The following RAD21 variants were observed in gnomAD, a reference collection of about 807,000 sequenced individuals.
RAD21 encodes RAD21 cohesin complex component.
Under a neutral mutation model 71.5 loss-of-function variants are expected in RAD21, and 18 were observed. The observed-to-expected ratio is 0.25, with a 90% confidence interval of 0.17 to 0.37. RAD21 has a LOEUF of 0.37. RAD21 is among the 10% of genes least tolerant of loss of function. The probability of loss-of-function intolerance (pLI) is 1.00; values close to 1 mark genes in which losing one functional copy is unlikely to be tolerated. For missense variants in RAD21, 493 were observed against 769.1 expected (o/e 0.64, Z 4.25); for synonymous variants, 248 against 254.0 (o/e 0.98, Z 0.22).
intron 2 of RAD21, among the ~76,000 whole-genome samples, chr8:116,865,375 C>G (rs1362389822): frequency 6.6e-6 from 1 of 152,098 alleles, no homozygotes; most frequent in Non-Finnish European, 1.5e-5. Context: ...CACACATATA[C>G]TTTCCAGAAA....
chr8:116,871,095 G>A lies in RAD21; in HGVS notation c.-33+3516C>T, dbSNP rs189932416. 2.2e-3 allele frequency among the ~76,000 whole-genome samples: 331 copies of A among 152,338 alleles called. 1 individual carries two copies. The highest frequency in any genetic ancestry group is 7.3e-3 in the Admixed American group (111 of 15,308). On this transcript the variant is annotated intron_variant, in intron 1 of 13. Transcript: ENST00000297338. ...CTAATAACTAAAGGAAGCCAAAGGA[G>A]CAGTGGTGGATCGACTCCTGGTGTA...
chr8:116,870,349 AG>A (rs1812793098), intron 1 of RAD21, among the ~76,000 whole-genome samples: 1 of 152,198 alleles, frequency 6.6e-6, no homozygotes, highest in African/African-American at 2.4e-5. Context: ...CAATATAGCA[AG>A]ACCCCGTGTT....
Position 116,846,336 on chromosome 8 carries a change from T to C in RAD21, c.*1164A>G. On this transcript the variant is annotated 3_prime_UTR_variant, in exon 14 of 14. Transcript: ENST00000297338. ...AGTTTCAACACTTAAGCTAGAACTT[T>C]CAGTGTTAACTTTGCCCTAAAAAGT... 4.4e-6 allele frequency: 1 copy of C among 228,670 alleles called. No individual in the cohort carries two copies. The highest frequency in any genetic ancestry group is 6.2e-5 in the East Asian group (1 of 16,032). 14.2% of individuals were successfully genotyped at this position (228,670 alleles called of 1,614,324 possible).
chr8:116,847,496 C>CT lies in RAD21; in HGVS notation c.*3dup. On this transcript the variant is annotated 3_prime_UTR_variant, in exon 14 of 14. Transcript: ENST00000297338. Reference sequence around the variant, plus strand: ...CAAACACTAGCTATAATGCTTCTAGCTCCTTATATAATATGGAACCTTGGT... The same window carrying CT: ...CAAACACTAGCTATAATGCTTCTAGCTTCCTTATATAATATGGAACCTTGGT... The CT allele has an allele frequency of 1.2e-6, 2 of 1,600,678 alleles. No homozygotes were observed. Among genetic ancestry groups the CT allele is most frequent in the Non-Finnish European group, 1.7e-6 (2 of 1,173,502 alleles).
intron 10 of RAD21, 53 bp from the exon 11 acceptor site, chr8:116,852,149 T>C: frequency 6.9e-7 from 1 of 1,446,550 alleles, no homozygotes. Flanking sequence ...TTGAACAGTA[T>C]TATAGAACCA....
chr8:116,853,167 G>A (rs185269246), intron 9 of RAD21, among the ~76,000 whole-genome samples: 12 of 151,924 alleles, frequency 7.9e-5, no homozygotes, highest in Admixed American at 1.3e-4. Flanking sequence ...CAACCTCCGC[G>A]CCCCCGGTTC....
At chr8:116,869,268 G>GA (rs557252076) in intron 1 of RAD21, among the ~76,000 whole-genome samples, 14 of 150,960 alleles carry the variant, frequency 9.3e-5, no homozygotes, top group South Asian at 2.1e-4. Flanking sequence ...GGGGTAAGAA[G>GA]AAAAAAAAAC....
At chr8:116,854,699 G>C (rs1196878574) in intron 8 of RAD21, among the ~76,000 whole-genome samples, 1 of 152,076 alleles carries the variant, frequency 6.6e-6, no homozygotes, top group African/African-American at 2.4e-5. Flanking sequence ...AGTATGTATA[G>C]ACTTTTAGCA....
chr8:116,846,150 G>A lies in RAD21; in HGVS notation c.*1350C>T, dbSNP rs4570. ...GGTTTACAGGCACATCATATTGAAT[G>A]TAAAGCTGCAATAGCAATTTTATAC... On this transcript the variant is annotated 3_prime_UTR_variant, in exon 14 of 14. Transcript: ENST00000297338. 158,913 of 230,648 alleles carry A rather than the reference G, an allele frequency of 0.69. 56,546 individuals are homozygous for A. Among genetic ancestry groups the A allele is most frequent in the African/African-American group, 0.89 (40,446 of 45,290 alleles). 14.3% of individuals were successfully genotyped at this position (230,648 alleles called of 1,614,324 possible). A position where few individuals can be genotyped will look rare whatever the true frequency, so the allele number is the denominator to read the frequency against.
intron 1 of RAD21, among the ~76,000 whole-genome samples, chr8:116,871,956 T>A (rs568314124): frequency 6.6e-6 from 1 of 152,162 alleles, no homozygotes; most frequent in Non-Finnish European, 1.5e-5. Context: ...TGGCCATCAA[T>A]AAGTGATATG....
intron 1 of RAD21, 145 bp downstream of exon 1, chr8:116,874,466 G>A (rs1026134884): frequency 8.5e-5 from 18 of 211,262 alleles, no homozygotes; most frequent in Admixed American, 2.6e-4. Context: ...GCGCCGGGAG[G>A]GTGGCAGCAC....
intron 1 of RAD21, among the ~76,000 whole-genome samples, chr8:116,873,796 T>C (rs1339762257): frequency 2.6e-5 from 4 of 152,064 alleles, no homozygotes; most frequent in Non-Finnish European, 4.4e-5. Flanking sequence ...AAAGCCTTTT[T>C]CAGCGACGAA....
intron 2 of RAD21, 37 bp downstream of exon 2, chr8:116,866,549 T>G: frequency 6.4e-7 from 1 of 1,571,832 alleles, no homozygotes; most frequent in Non-Finnish European, 8.6e-7. Context: ...CAATAAACAA[T>G]CAACAAAGTG....
intron 1 of RAD21, among the ~76,000 whole-genome samples, chr8:116,873,404 A>G (rs1416240040): frequency 6.6e-6 from 1 of 152,228 alleles, no homozygotes; most frequent in Non-Finnish European, 1.5e-5. Context: ...CTCCGACATT[A>G]ACAAAGGTAT....
intron 8 of RAD21, 37 bp from the exon 9 acceptor site, chr8:116,854,505 G>T: frequency 6.6e-7 from 1 of 1,516,256 alleles, no homozygotes; most frequent in Non-Finnish European, 9.1e-7. Context: ...ATTTTCCTGA[G>T]AGGCCAGCAT....
At position 116,845,940 on chromosome 8, in the gene RAD21, T is replaced by A. The variant is rs1812243510; in HGVS notation, c.*1560A>T. 4.5e-6 allele frequency: 1 copy of A among 221,974 alleles called. No individual in the cohort carries two copies. Among genetic ancestry groups the A allele is most frequent in the African/African-American group, 2.2e-5 (1 of 44,694 alleles). The allele number at this position is 221,974 out of a possible 1,614,324, so 13.8% of individuals were successfully genotyped here. A position where few individuals can be genotyped will look rare whatever the true frequency, so the allele number is the denominator to read the frequency against. Reference sequence around the variant, plus strand: ...TAATGAATACTCAAAAAAGTACAGCTTATAACACAACTTTTATTAGAAAAG... The same window carrying A: ...TAATGAATACTCAAAAAAGTACAGCATATAACACAACTTTTATTAGAAAAG... On this transcript the variant is annotated 3_prime_UTR_variant, in exon 14 of 14. Coordinates refer to ENST00000297338, the MANE Select transcript of RAD21 (RefSeq NM_006265.3).
intron 8 of RAD21, 104 bp downstream of exon 8, chr8:116,856,062 A>C: frequency 7.5e-7 from 1 of 1,331,640 alleles, no homozygotes. Flanking sequence ...AAAAGCAAGA[A>C]GCCTAGTTAT....
chr8:116,848,887 G>A, intron 13 of RAD21, 59 bp downstream of exon 13: 1 of 1,392,908 alleles, frequency 7.2e-7, no homozygotes, highest in South Asian at 1.5e-5. Flanking sequence ...TTTTTTTTCA[G>A]GGAACAATGG....
intron 2 of RAD21, among the ~76,000 whole-genome samples, chr8:116,866,107 C>T (rs991607837): frequency 5.3e-5 from 8 of 152,178 alleles, no homozygotes; most frequent in African/African-American, 1.9e-4. Context: ...ACCCTCCATT[C>T]TCTCCCCAAC....
Sources: gnomAD v4.1 joint callset for allele counts (sites outside exome capture counted in the v4.1 genomes callset) on GRCh38, gnomAD v4.1.1 for gene constraint, MANE v1.5 for transcripts, NCBI Gene and HGNC (gene_info 2026-07-23, HGNC 2026-07-21) for gene names.